FOXN3: variants seen among roughly 807,000 people sequenced by gnomAD.
FOXN3 encodes the protein forkhead box protein N3.
A neutral mutation model predicts 38.4 loss-of-function variants in FOXN3; 7 were observed. The observed-to-expected ratio is 0.18, with a 90% CI of 0.10 to 0.34. The LOEUF (loss-of-function observed/expected upper bound fraction) is 0.34, where lower values mean the gene tolerates loss of function less well. FOXN3 is among the 10% of genes least tolerant of loss of function. The probability of loss-of-function intolerance (pLI) is 1.00; values close to 1 mark genes in which losing one functional copy is unlikely to be tolerated. For missense variants in FOXN3, 456 were observed against 613.4 expected, an observed-to-expected ratio of 0.74 and a Z score of 2.71; for synonymous variants, 230 against 242.2, an observed-to-expected ratio of 0.95 and a Z score of 0.47.
chr14:89,402,175 C>G (rs1469199782), intron 2 of FOXN3, among the ~76,000 whole-genome samples: 1 of 152,254 alleles, frequency 6.6e-6, no homozygotes, highest in Non-Finnish European at 1.5e-5. Context: ...TCACCTCAAT[C>G]AAGCTACCGC....
intron 1 of FOXN3, among the ~76,000 whole-genome samples, chr14:89,506,564 G>A (rs1183127213): frequency 9.3e-5 from 14 of 150,788 alleles, no homozygotes; most frequent in Middle Eastern, 3.4e-3. Context: ...GCCTCTGCCC[G>A]GCCGCCCCTA....
intron 3 of FOXN3, among the ~76,000 whole-genome samples, chr14:89,329,793 T>G (rs544564688): frequency 7.2e-6 from 1 of 139,496 alleles, no homozygotes; most frequent in Admixed American, 8.2e-5. Context: ...GAGGCGGAGC[T>G]TGCAGTGAGC....
At chr14:89,384,750 A>T (rs1029796353) in intron 2 of FOXN3, among the ~76,000 whole-genome samples, 3 of 152,136 alleles carry the variant, frequency 2.0e-5, no homozygotes, top group Non-Finnish European at 4.4e-5. Context: ...GAGCAGGGAG[A>T]ATCATGGCAG....
intron 3 of FOXN3, among the ~76,000 whole-genome samples, chr14:89,318,304 G>C (rs1300575921): frequency 6.6e-6 from 1 of 151,756 alleles, no homozygotes; most frequent in African/African-American, 2.4e-5. Flanking sequence ...GATTACAGGT[G>C]CCCACCACCA....
In FOXN3 at chr14:89,162,477, C is replaced by G; in HGVS notation, c.1344G>C (p.Leu448Phe). The G allele has an allele frequency of 6.2e-7, 1 of 1,608,684 alleles. No individual in the cohort carries two copies. The highest frequency in any genetic ancestry group is 1.1e-5 in the South Asian group (1 of 90,738). The change falls in exon 6 of 6, where the codon TTG (leucine) becomes TTC (phenylalanine). Residue 448 changes from leucine (L) to phenylalanine (F), a missense_variant. Around this residue, in one of 3 missense-constraint regions of FOXN3, gnomAD observed 386 missense variants for 505.2 expected, o/e 0.76. Transcript: ENST00000557258. The surrounding 1 kb of genome is among the most constrained non-coding windows in gnomAD (Gnocchi z 7.2). Reference sequence around the variant, plus strand: ...TTGCCGTCCGATTGGTGATGTTATTCAAACAGGACCGGATCCCTGCTAAGT... The same window carrying G: ...TTGCCGTCCGATTGGTGATGTTATTGAAACAGGACCGGATCCCTGCTAAGT... ...LLHLAGIRSC[L>F]NNITNRTAKG...
At chr14:89,378,940 C>A (rs2140064609) in intron 2 of FOXN3, among the ~76,000 whole-genome samples, 1 of 152,286 alleles carries the variant, frequency 6.6e-6, no homozygotes, top group South Asian at 2.1e-4. Context: ...CCCTGGACCT[C>A]AAGTGATCCA....
rs10138565 is a variant in FOXN3, at chr14:89,425,272, T to C, written c.-14-12782A>G. Reference sequence around the variant, plus strand: ...TTTCAGTAGAGACGGGGTTTCACCATGTTGGCCAGGCTGGTCTTGAACTCC... The same window carrying C: ...TTTCAGTAGAGACGGGGTTTCACCACGTTGGCCAGGCTGGTCTTGAACTCC... On this transcript the variant is annotated intron_variant, in intron 1 of 6. Coordinates refer to the FOXN3 transcript ENST00000345097. 2.3e-3 allele frequency among the ~76,000 whole-genome samples: 357 copies of C among 152,230 alleles called. 1 individual carries two copies. Among genetic ancestry groups the C allele is most frequent in the African/African-American group, 8.0e-3 (334 of 41,540 alleles).
chr14:89,539,254 G>C (rs243221), intron 1 of FOXN3, among the ~76,000 whole-genome samples: 38,869 of 152,138 alleles, frequency 0.26, 6,363 homozygotes, highest in Middle Eastern at 0.38. Flanking sequence ...AAGATAAAAA[G>C]GTTATGTAGT....
At chr14:89,269,939 C>A (rs1886097649) in intron 4 of FOXN3, among the ~76,000 whole-genome samples, 1 of 152,174 alleles carries the variant, frequency 6.6e-6, no homozygotes, top group Admixed American at 6.5e-5. Flanking sequence ...GAGCTGTTCT[C>A]CTGCCTCACT....
intron 3 of FOXN3, among the ~76,000 whole-genome samples, chr14:89,338,655 G>A (rs1028550384): frequency 6.6e-6 from 1 of 152,130 alleles, no homozygotes; most frequent in Non-Finnish European, 1.5e-5. Context: ...TTAGTCAGGT[G>A]TGGTGATGGG....
rs895173826 is a variant in FOXN3, at chr14:89,318,364, G to A, written c.680+32308C>T. Among the ~76,000 whole-genome samples, 13 of 151,918 alleles carry A rather than the reference G, an allele frequency of 8.6e-5. No individual in the cohort carries two copies. The East Asian group carries it at 1.4e-3, about 16-fold the overall frequency. On this transcript the variant is annotated intron_variant, in intron 3 of 5. Transcript: ENST00000557258. Reference sequence around the variant, plus strand: ...AGTAGAGATGGAGTTTCACCATGTTGACCAGGCTGGTCTCAAACTCCCGAC... The same window carrying A: ...AGTAGAGATGGAGTTTCACCATGTTAACCAGGCTGGTCTCAAACTCCCGAC...
intron 4 of FOXN3, among the ~76,000 whole-genome samples, chr14:89,199,055 C>G (rs1315552033): frequency 6.6e-6 from 1 of 152,202 alleles, no homozygotes; most frequent in Non-Finnish European, 1.5e-5. Flanking sequence ...ATATCTATAA[C>G]AGCCGCCTCT....
At chr14:89,345,373 A>G (rs1446079786) in intron 3 of FOXN3, among the ~76,000 whole-genome samples, 1 of 151,894 alleles carries the variant, frequency 6.6e-6, no homozygotes, top group Non-Finnish European at 1.5e-5. Flanking sequence ...AAAAAAAAGG[A>G]AAGAGAAGTT....
At chr14:89,413,165 A>G (rs1427394257) in intron 1 of FOXN3, among the ~76,000 whole-genome samples, 1 of 152,216 alleles carries the variant, frequency 6.6e-6, no homozygotes, top group Admixed American at 6.5e-5. Flanking sequence ...TGACCCCTAC[A>G]GACACAAAGC....
chr14:89,490,346 G>A (rs1893547198), intron 1 of FOXN3, among the ~76,000 whole-genome samples: 1 of 152,204 alleles, frequency 6.6e-6, no homozygotes, highest in South Asian at 2.1e-4. Flanking sequence ...GTTGTTGGAT[G>A]ACGGTGTTTA....
chr14:89,185,699 G>A (rs1223016113), intron 4 of FOXN3: 1 of 152,194 alleles, frequency 6.6e-6, no homozygotes, highest in African/African-American at 2.4e-5. Context: ...TCTTTTAGAT[G>A]AGAGAATACC....
At chr14:89,252,339 C>T (rs913855626) in intron 4 of FOXN3, among the ~76,000 whole-genome samples, 2 of 152,054 alleles carry the variant, frequency 1.3e-5, no homozygotes, top group South Asian at 2.1e-4. Flanking sequence ...CTTGAAAATT[C>T]GAATTCATTG....
Position 89,180,989 on chromosome 14 carries a change from GACAC to G in FOXN3, c.746-187_746-184del, listed in dbSNP as rs1034311971. On this transcript the variant is annotated intron_variant, in intron 4 of 5. Coordinates refer to ENST00000557258, the MANE Select transcript of FOXN3 (RefSeq NM_005197.4). ...ACACACAGTCACACAGACATGCACA[GACAC>G]ACACTCACACAGTCATGCACGCGCA... Among the ~76,000 whole-genome samples, 405 of 149,392 alleles carry G rather than the reference GACAC, an allele frequency of 2.7e-3. 3 individuals are homozygous for G. The highest frequency in any genetic ancestry group is 9.6e-3 in the African/African-American group (384 of 40,006).
At chr14:89,616,295 A>G (rs1896491954) in intron 1 of FOXN3, among the ~76,000 whole-genome samples, 1 of 152,100 alleles carries the variant, frequency 6.6e-6, no homozygotes, top group Admixed American at 6.5e-5. Flanking sequence ...AATATTTGCA[A>G]TTTTGATACT....
Sources: allele counts gnomAD v4.1 joint callset (sites outside exome capture counted in the v4.1 genomes callset), GRCh38; gene constraint gnomAD v4.1.1; regional missense constraint gnomAD v4.1.1; non-coding constraint Gnocchi (gnomAD v3.1); transcripts MANE v1.5; gene names NCBI Gene and HGNC (gene_info 2026-07-23, HGNC 2026-07-21).